PCDHA6: variants seen among roughly 807,000 people sequenced by gnomAD.
The protein encoded by PCDHA6 is protocadherin alpha 6, also known as protocadherin alpha-6.
PCDHA6 carries 55 observed loss-of-function variants against 60.3 expected under a neutral mutation model. The ratio of observed to expected loss-of-function variants is 0.91; its 90% confidence interval spans 0.73 to 1.14. PCDHA6 has a LOEUF of 1.14. PCDHA6 is among the 50% of genes most tolerant of loss of function. PCDHA6 has a pLI of 0.00. For missense variants in PCDHA6, 1,327 were observed against 1,256.5 expected, an observed-to-expected ratio of 1.06 and a Z score of -0.85; for synonymous variants, 652 against 557.9, an observed-to-expected ratio of 1.17 and a Z score of -2.38.
chr5:140,835,687 T>G (rs1773843865), intron 1 of PCDHA6: 1 of 1,613,786 alleles, frequency 6.2e-7, no homozygotes, highest in Admixed American at 1.7e-5. Context: ...TCGCCTTCTC[T>G]GTGGGCCACT....
At chr5:140,924,596 T>C (rs1309205821) in intron 1 of PCDHA6, among the ~76,000 whole-genome samples, 1 of 152,116 alleles carries the variant, frequency 6.6e-6, no homozygotes, top group Non-Finnish European at 1.5e-5. Context: ...TATAGAAATA[T>C]GCAGGCTGAT....
rs782061977 is a variant in PCDHA6 at position 140,870,205 on chromosome 5, A to C, written c.2394+39720A>C. 2.5e-6 allele frequency: 4 copies of C among 1,614,148 alleles called. No homozygotes were observed. The South Asian group carries it at 4.4e-5, about 18-fold the overall frequency. On this transcript the variant is annotated intron_variant, in intron 1 of 3. Transcript: ENST00000529310. Reference sequence around the variant, plus strand: ...AGAGGACGCTCAGCCCAGCACGGTCATTGCCCTGATCAGCGTGTCTGACCG... The same window carrying C: ...AGAGGACGCTCAGCCCAGCACGGTCCTTGCCCTGATCAGCGTGTCTGACCG...
intron 1 of PCDHA6, chr5:140,882,409 C>A: frequency 6.2e-7 from 1 of 1,614,158 alleles, no homozygotes; most frequent in Non-Finnish European, 8.5e-7. Flanking sequence ...TCGTGGGCCG[C>A]ATCGCTCAGG....
chr5:140,851,315 T>C (rs2042026513), intron 1 of PCDHA6: 1 of 992,586 alleles, frequency 1.0e-6, no homozygotes, highest in African/African-American at 1.7e-5. Context: ...AATTGTTACC[T>C]TGTTAAGTTT....
chr5:140,965,924 C>A (rs548082207), intron 1 of PCDHA6, among the ~76,000 whole-genome samples: 1 of 152,212 alleles, frequency 6.6e-6, no homozygotes, highest in Non-Finnish European at 1.5e-5. Context: ...TTTAGGCTTG[C>A]TCCCGGAAAG....
rs2150335753 is a variant in PCDHA6, at chr5:140,842,424, T to A, written c.2394+11939T>A. On this transcript the variant is annotated intron_variant, in intron 1 of 3. Transcript: ENST00000529310. Reference sequence around the variant, plus strand: ...CGTGAAGACGCTCAATTTGGTACTGTCATCGCCCTAATTAGCGTGAACGAC... The same window carrying A: ...CGTGAAGACGCTCAATTTGGTACTGACATCGCCCTAATTAGCGTGAACGAC... 2 of 1,613,572 alleles carry A rather than the reference T, an allele frequency of 1.2e-6. No individual in the cohort carries two copies. Among genetic ancestry groups the A allele is most frequent in the East Asian group, 4.5e-5 (2 of 44,874 alleles).
At chr5:140,945,424 A>T (rs1227744054) in intron 1 of PCDHA6, among the ~76,000 whole-genome samples, 1 of 152,116 alleles carries the variant, frequency 6.6e-6, no homozygotes, top group Non-Finnish European at 1.5e-5. Context: ...ATTTCAATGA[A>T]GTTTTTACAG....
intron 1 of PCDHA6, chr5:140,856,360 C>G: frequency 6.3e-7 from 1 of 1,598,550 alleles, no homozygotes; most frequent in Non-Finnish European, 8.6e-7. Flanking sequence ...GCAGCATCCA[C>G]CTGGAGGTGA....
At chr5:140,869,669 T>A in intron 1 of PCDHA6, 1 of 1,613,476 alleles carries the variant, frequency 6.2e-7, no homozygotes, top group South Asian at 1.1e-5. Flanking sequence ...GGTAAGCAGA[T>A]TAAAAGACTG....
intron 1 of PCDHA6, chr5:140,842,240 A>G: frequency 6.2e-7 from 1 of 1,612,484 alleles, no homozygotes; most frequent in East Asian, 2.2e-5. Context: ...GATTCGGGGT[A>G]ATTTGGATTT....
chr5:140,966,909 T>C, intron 1 of PCDHA6: 1 of 1,601,466 alleles, frequency 6.2e-7, no homozygotes, highest in Non-Finnish European at 8.5e-7. Context: ...CGATACTCTG[T>C]GCCAGAGGAG....
At chr5:140,942,332 C>T (rs2093271266) in intron 1 of PCDHA6, among the ~76,000 whole-genome samples, 1 of 151,760 alleles carries the variant, frequency 6.6e-6, no homozygotes, top group Non-Finnish European at 1.5e-5. Flanking sequence ...ATCACTTGAA[C>T]CAGAGGGAGG....
intron 1 of PCDHA6, among the ~76,000 whole-genome samples, chr5:140,899,424 T>A (rs1437811361): frequency 6.6e-6 from 1 of 152,206 alleles, no homozygotes; most frequent in African/African-American, 2.4e-5. Flanking sequence ...TTGTCAAAGG[T>A]CTTTTCTGCA....
At chr5:140,998,049 ACAT>A (rs782468760) in intron 3 of PCDHA6, among the ~76,000 whole-genome samples, 4 of 152,194 alleles carry the variant, frequency 2.6e-5, no homozygotes, top group Admixed American at 6.5e-5. Flanking sequence ...TAACTCAGTG[ACAT>A]CATCATCAAC....
chr5:140,830,287 C>A lies in PCDHA6; in HGVS notation c.2196C>A (p.Cys732Ter). 1 of 1,613,846 alleles carries A rather than the reference C, an allele frequency of 6.2e-7. No homozygotes were observed. ...CGGCGCCACCCACCGAGGGCGCGTG[C>A]ACGGCGGACAAGCCCACGCTGGTGT... ...RCSAPPTEGA[C>*]TADKPTLVCS... is the part of the protein sequence containing the mutation. Residue 732 changes from cysteine (C) to a stop codon, truncating the protein, a stop_gained, in exon 1 of 4, where the codon TGC becomes TGA. Transcript: ENST00000529310. LOFTEE classifies it high-confidence loss of function.
intron 1 of PCDHA6, chr5:140,864,013 A>T: frequency 6.5e-6 from 1 of 153,164 alleles, no homozygotes; most frequent in South Asian, 2.1e-4. Flanking sequence ...AAAAAAAAGT[A>T]CATTGGAAGT....
At chr5:140,958,078 G>A (rs1447110228) in intron 1 of PCDHA6, among the ~76,000 whole-genome samples, 1 of 152,064 alleles carries the variant, frequency 6.6e-6, no homozygotes, top group Admixed American at 6.6e-5. Flanking sequence ...GAAGCAAAAA[G>A]TAAAGTTGTA....
At chr5:140,978,903 C>T in intron 1 of PCDHA6, 46 bp from the exon 2 acceptor site, 4 of 1,613,202 alleles carry the variant, frequency 2.5e-6, no homozygotes, top group Middle Eastern at 1.7e-4. Flanking sequence ...CCTGGGAGAA[C>T]ATTGTCTTGT....
intron 1 of PCDHA6, chr5:140,927,582 G>C (rs1554204771): frequency 1.2e-6 from 2 of 1,614,174 alleles, no homozygotes; most frequent in Non-Finnish European, 8.5e-7. Context: ...ATGACAACGC[G>C]CCTGTATTTG....
Sources: allele counts gnomAD v4.1 joint callset (sites outside exome capture counted in the v4.1 genomes callset), GRCh38; gene constraint gnomAD v4.1.1; transcripts MANE v1.5; gene names NCBI Gene and HGNC (gene_info 2026-07-23, HGNC 2026-07-21).